The following AIPL1 variants were observed in gnomAD, a reference collection of about 807,000 sequenced individuals.
The protein encoded by AIPL1 is aryl-hydrocarbon-interacting protein-like 1.
A neutral mutation model predicts 32.9 loss-of-function variants in AIPL1; 23 were observed. The ratio of observed to expected loss-of-function variants is 0.70; its 90% confidence interval spans 0.50 to 0.99. The LOEUF (loss-of-function observed/expected upper bound fraction) is 0.99. Among genes scored for constraint, AIPL1 ranks in the 50% least tolerant of loss-of-function variants. The pLI is 0.00. For missense variants in AIPL1, 485 were observed against 506.0 expected (o/e 0.96, Z 0.40); for synonymous variants, 210 against 209.4 (o/e 1.00, Z -0.02).
rs1911891024 is a variant in AIPL1, at chr17:6,425,811, G to A, written c.804C>T (p.Tyr268=). 4 of 1,604,398 alleles carry A rather than the reference G, an allele frequency of 2.5e-6. No homozygotes were observed. The highest frequency in any genetic ancestry group is 1.3e-5 in the African/African-American group (1 of 74,862). ...CCTCTGCGTGAGCCCGGGCACGCAC[G>A]TAGTAGGCCTTCACGATGCCTGTGG... The part of the protein sequence containing the change: ...RHHPGIVKAY[Y]VRARAHAEVW... Residue 268 remains tyrosine, a synonymous_variant, in exon 6 of 6, where the codon TAC becomes TAT. Coordinates refer to ENST00000381129, the MANE Select transcript of AIPL1 (RefSeq NM_014336.5).
rs111456528 is a variant in AIPL1, at chr17:6,424,453, G to A, written c.*1007C>T. ...CCTGAGCTGCTGCTCGCTGCCTATGGGGTAGCCCTGCTCTGCAGGGCAGTC... is the reference window on the plus strand; with the variant it reads ...CCTGAGCTGCTGCTCGCTGCCTATGAGGTAGCCCTGCTCTGCAGGGCAGTC... On this transcript the variant is annotated 3_prime_UTR_variant, in exon 6 of 6. Coordinates refer to ENST00000381129, the MANE Select transcript of AIPL1 (RefSeq NM_014336.5). The A allele has an allele frequency of 1.9e-3, 293 of 152,406 alleles. No homozygotes were observed. Among genetic ancestry groups the A allele is most frequent in the Non-Finnish European group, 3.4e-3 (233 of 68,066 alleles). 9.4% of individuals were successfully genotyped at this position (152,406 alleles called of 1,614,324 possible). A position where few individuals can be genotyped will look rare whatever the true frequency, so the allele number is the denominator to read the frequency against.
At chr17:6,428,940 T>C (rs2150682138) in intron 2 of AIPL1, among the ~76,000 whole-genome samples, 1 of 152,152 alleles carries the variant, frequency 6.6e-6, no homozygotes, top group East Asian at 1.9e-4. Context: ...GGAAGGGCAG[T>C]GTGGGGCAGT....
rs1911706771 is a variant in AIPL1 at position 6,424,369 on chromosome 17, A to G, written c.*1091T>C. 6.6e-6 allele frequency: 1 copy of G among 152,266 alleles called. No homozygotes were observed. The highest frequency in any genetic ancestry group is 2.4e-5 in the African/African-American group (1 of 41,448). The allele number at this position is 152,266 out of a possible 1,614,324, so 9.4% of individuals were successfully genotyped here. A position where few individuals can be genotyped will look rare whatever the true frequency, so the allele number is the denominator to read the frequency against. ...ACTCCTTCCCTAGAAATCTTTGTATATGCAGCTCCTTAATCTACATGTAAT... is the reference window on the plus strand; with the variant it reads ...ACTCCTTCCCTAGAAATCTTTGTATGTGCAGCTCCTTAATCTACATGTAAT... On this transcript the variant is annotated 3_prime_UTR_variant, in exon 6 of 6. Transcript: ENST00000381129.
At chr17:6,433,803 G>T in intron 2 of AIPL1, 116 bp downstream of exon 2, 1 of 1,306,870 alleles carries the variant, frequency 7.7e-7, no homozygotes, top group Non-Finnish European at 1.1e-6. Context: ...TGCAGGACTG[G>T]CTTTGCAAAG....
intron 2 of AIPL1, 107 bp from the exon 3 acceptor site, chr17:6,428,613 A>G (rs956925355): frequency 4.9e-6 from 5 of 1,017,724 alleles, no homozygotes; most frequent in Admixed American, 3.8e-5. Context: ...CTGCTCCCTC[A>G]CTATGCCACT....
Position 6,428,414 on chromosome 17 carries a change from C to T in AIPL1, c.369G>A (p.Leu123=). 6.2e-7 allele frequency: 1 copy of T among 1,613,544 alleles called. No individual in the cohort carries two copies. The highest frequency in any genetic ancestry group is 8.5e-7 in the Non-Finnish European group (1 of 1,180,050). The change falls in exon 3 of 6, where the codon CTG becomes CTA. Residue 123 remains leucine (L), a synonymous_variant. Transcript: ENST00000381129. Reference sequence around the variant, plus strand: ...GCGTGTGGTAGGCGAACATGTTGGCCAGCCCGCACGTGTGCACGTGCCACT... The same window carrying T: ...GCGTGTGGTAGGCGAACATGTTGGCTAGCCCGCACGTGTGCACGTGCCACT... ...PTEWHVHTCG[L]ANMFAYHTLG...
chr17:6,433,088 C>T (rs11658369), intron 2 of AIPL1, among the ~76,000 whole-genome samples: 109,806 of 152,058 alleles, frequency 0.72, 39,813 homozygotes, highest in Middle Eastern at 0.88. Context: ...ATTCTTTCTG[C>T]TGACTTTTGT....
rs1326358957 is a variant in AIPL1 at position 6,425,091 on chromosome 17, G to A, written c.*369C>T. ...CTATCCAAAATGGGGAGACAGGGAG[G>A]GGTATCAGGCATGAGAAAGGATCAG... On this transcript the variant is annotated 3_prime_UTR_variant, in exon 6 of 6. Coordinates refer to ENST00000381129, the MANE Select transcript of AIPL1 (RefSeq NM_014336.5). 5.6e-6 allele frequency: 1 copy of A among 177,410 alleles called. No individual in the cohort carries two copies. The highest frequency in any genetic ancestry group is 5.8e-5 in the Admixed American group (1 of 17,112). 11.0% of individuals were successfully genotyped at this position (177,410 alleles called of 1,614,324 possible).
intron 2 of AIPL1, among the ~76,000 whole-genome samples, chr17:6,433,609 TCTCACA>T (rs1316493701): frequency 2.4e-5 from 3 of 122,764 alleles, no homozygotes; most frequent in African/African-American, 6.8e-5. Flanking sequence ...TCTCTCTCTC[TCTCACA>T]CACACACACA....
rs370312709 is a variant in AIPL1 at position 6,428,432 on chromosome 17, G to C, written c.351C>G (p.His117Gln). 1 of 1,613,826 alleles carries C rather than the reference G, an allele frequency of 6.2e-7. No homozygotes were observed. The highest frequency in any genetic ancestry group is 8.5e-7 in the Non-Finnish European group (1 of 1,180,044). The change falls in exon 3 of 6, where the codon CAC becomes CAG. Residue 117 changes from histidine (H) to glutamine (Q), a missense_variant. Coordinates refer to ENST00000381129, the MANE Select transcript of AIPL1 (RefSeq NM_014336.5). ...MAQGKDPTEW[H>Q]VHTCGLANMF... Reference sequence around the variant, plus strand: ...TGTTGGCCAGCCCGCACGTGTGCACGTGCCACTCTGTGGGGTCCTTGCCCT... The same window carrying C: ...TGTTGGCCAGCCCGCACGTGTGCACCTGCCACTCTGTGGGGTCCTTGCCCT...
At chr17:6,431,543 T>C (rs1912607768) in intron 2 of AIPL1, among the ~76,000 whole-genome samples, 1 of 152,246 alleles carries the variant, frequency 6.6e-6, no homozygotes, top group Non-Finnish European at 1.5e-5. Context: ...TTATATCATG[T>C]AATCTCCAAA....
At chr17:6,428,602 C>T in intron 2 of AIPL1, 96 bp from the exon 3 acceptor site, 2 of 1,169,752 alleles carry the variant, frequency 1.7e-6, no homozygotes, top group Admixed American at 1.8e-5. Context: ...TGGGAGGAAT[C>T]CTGCTCCCTC....
In AIPL1 at chr17:6,435,106, G is replaced by C. The variant is rs768958785; in HGVS notation, c.-2C>G. 1.9e-6 allele frequency: 3 copies of C among 1,614,150 alleles called. No individual in the cohort carries two copies. The highest frequency in any genetic ancestry group is 2.5e-6 in the Non-Finnish European group (3 of 1,180,000). ...GTTCAGGAGCAGAGCGGCATCCATG[G>C]CTGCAGGAGAAAGGGAGGTGTCCAG... On this transcript the variant is annotated 5_prime_UTR_variant, in exon 1 of 6. Transcript: ENST00000381129.
chr17:6,433,547 C>T lies in AIPL1; in HGVS notation c.276+372G>A, dbSNP rs113802478. ...TTGAGGCTGCAGTGAGCCATAATTA[C>T]GCTACTGCACTCCAGCCTGGGTGAC... On this transcript the variant is annotated intron_variant, in intron 2 of 5. Coordinates refer to ENST00000381129, the MANE Select transcript of AIPL1 (RefSeq NM_014336.5). Among the ~76,000 whole-genome samples the T allele has an allele frequency of 4.2e-3, 641 of 151,336 alleles. 6 individuals carry two copies. Among genetic ancestry groups the T allele is most frequent in the African/African-American group, 0.015 (616 of 41,188 alleles).
intron 2 of AIPL1, among the ~76,000 whole-genome samples, chr17:6,433,040 G>T (rs1471480276): frequency 6.6e-6 from 1 of 152,216 alleles, no homozygotes; most frequent in Non-Finnish European, 1.5e-5. Flanking sequence ...CGGGTTGATG[G>T]TGGCCGGCAC....
chr17:6,427,237 G>A (rs1461693962), intron 3 of AIPL1, among the ~76,000 whole-genome samples, 180 bp from the exon 4 acceptor site: 3 of 152,206 alleles, frequency 2.0e-5, no homozygotes, highest in Non-Finnish European at 4.4e-5. Context: ...ATGTCTTTGT[G>A]CAAACTAGGA....
At chr17:6,426,851 A>G in intron 4 of AIPL1, 30 bp downstream of exon 4, 2 of 1,613,040 alleles carry the variant, frequency 1.2e-6, no homozygotes, top group Non-Finnish European at 1.7e-6. Flanking sequence ...AGTCAGCGCC[A>G]CTTCCCACCC....
rs1414828284 is a variant in AIPL1 at position 6,434,109 on chromosome 17, A to AGACGGTGCACTCTGCTCT, written c.97-29_97-12dup. On this transcript the variant is annotated splice_polypyrimidine_tract_variant and intron_variant, in intron 1 of 5. Coordinates refer to ENST00000381129, the MANE Select transcript of AIPL1 (RefSeq NM_014336.5). Reference sequence around the variant, plus strand: ...GAAATGAAAGATCACCTAGTCACCGAGACGGTGCACTCTGCTCTAGACACA... The same window carrying AGACGGTGCACTCTGCTCT: ...GAAATGAAAGATCACCTAGTCACCGAGACGGTGCACTCTGCTCTGACGGTGCACTCTGCTCTAGACACA... The AGACGGTGCACTCTGCTCT allele has an allele frequency of 6.2e-7, 1 of 1,611,806 alleles. No homozygotes were observed. Among genetic ancestry groups the AGACGGTGCACTCTGCTCT allele is most frequent in the African/African-American group, 1.3e-5 (1 of 74,822 alleles).
chr17:6,434,980 C>G (rs376783513), intron 1 of AIPL1, 29 bp downstream of exon 1: 3 of 1,613,976 alleles, frequency 1.9e-6, no homozygotes, highest in South Asian at 1.1e-5. Flanking sequence ...TGTGGGGGAC[C>G]CTGTCTGCTC....
Sources: allele counts gnomAD v4.1 joint callset (sites outside exome capture counted in the v4.1 genomes callset), GRCh38; gene constraint gnomAD v4.1.1; transcripts MANE v1.5; gene names NCBI Gene and HGNC (gene_info 2026-07-23, HGNC 2026-07-21).